Variants in FRMD6 observed in about 807,000 individuals in gnomAD.
FRMD6 encodes FERM domain-containing protein 6.
A neutral mutation model predicts 73.2 loss-of-function variants in FRMD6; 37 were observed. That is an observed-to-expected ratio of 0.51 (90% CI 0.39 to 0.66). FRMD6 has a LOEUF of 0.66. Ranked by LOEUF, FRMD6 falls within the 30% of genes least tolerant of loss-of-function variation. The probability of loss-of-function intolerance (pLI) is 0.00; values close to 1 mark genes in which losing one functional copy is unlikely to be tolerated. For missense variants in FRMD6, 714 were observed against 780.5 expected (o/e 0.91, Z 1.02); for synonymous variants, 273 against 282.2 (o/e 0.97, Z 0.33).
intron 1 of FRMD6, among the ~76,000 whole-genome samples, chr14:51,525,892 C>CT (rs1334442355): frequency 6.6e-6 from 1 of 152,094 alleles, no homozygotes; most frequent in Non-Finnish European, 1.5e-5. Flanking sequence ...GTTGACAGTC[C>CT]TTTGAAGAAG....
the FRMD6 span, among the ~76,000 whole-genome samples, chr14:51,411,500 T>C: frequency 6.6e-6 from 1 of 152,210 alleles, no homozygotes; most frequent in South Asian, 2.1e-4. Context: ...GTCTCTCCCT[T>C]GGGGAACCTC....
chr14:51,689,744 TGAG>T lies in FRMD6; in HGVS notation c.-88_-86del. ...GATGCTTCTCCTGCAGGGCGTGTGA[TGAG>T]GAGGCGAGCTTGGCTTTGGAGTGCT... On this transcript the variant is annotated 5_prime_UTR_variant, in exon 2 of 14. Coordinates refer to ENST00000344768, the MANE Select transcript of FRMD6 (RefSeq NM_001267046.2). The T allele has an allele frequency of 5.1e-6, 4 of 776,764 alleles. No individual in the cohort carries two copies. The highest frequency in any genetic ancestry group is 9.4e-6 in the Non-Finnish European group (4 of 423,876). The allele number at this position is 776,764 out of a possible 1,614,324, so 48.1% of individuals were successfully genotyped here. A position where few individuals can be genotyped will look rare whatever the true frequency, so the allele number is the denominator to read the frequency against.
chr14:51,597,178 C>G (rs1011182316), intron 2 of FRMD6, among the ~76,000 whole-genome samples: 20 of 152,096 alleles, frequency 1.3e-4, no homozygotes. Context: ...GATATGGGAG[C>G]TGGGAGATCA....
intron 9 of FRMD6, chr14:51,713,840 CA>C (rs1175913263): frequency 5.3e-5 from 8 of 152,148 alleles, no homozygotes; most frequent in African/African-American, 1.9e-4. Flanking sequence ...TGAAAATGAG[CA>C]AATTATGACG....
chr14:51,536,091 T>G (rs373258862), intron 1 of FRMD6, among the ~76,000 whole-genome samples: 19,175 of 138,800 alleles, frequency 0.14, 1,467 homozygotes, highest in East Asian at 0.26. Context: ...TATATATATA[T>G]ATATATAGAG....
chr14:51,463,649 C>T, the FRMD6 span, among the ~76,000 whole-genome samples: 1 of 152,220 alleles, frequency 6.6e-6, no homozygotes, highest in African/African-American at 2.4e-5. Flanking sequence ...AAACAGGTTC[C>T]AGTGAGCACG....
At chr14:51,428,223 C>T in the FRMD6 span, among the ~76,000 whole-genome samples, 2 of 152,146 alleles carry the variant, frequency 1.3e-5, no homozygotes, top group African/African-American at 4.8e-5. Flanking sequence ...CCTGACTATG[C>T]ATTAGAATCA....
At chr14:51,418,834 C>A in the FRMD6 span, among the ~76,000 whole-genome samples, 1 of 152,244 alleles carries the variant, frequency 6.6e-6, no homozygotes, top group Non-Finnish European at 1.5e-5. Flanking sequence ...GGGGTCCACC[C>A]AGTTTGAGCT....
chr14:51,539,624 A>G (rs1048075377), intron 1 of FRMD6, among the ~76,000 whole-genome samples: 1 of 152,116 alleles, frequency 6.6e-6, no homozygotes, highest in African/African-American at 2.4e-5. Flanking sequence ...CTGGGCAATT[A>G]CATTCCAGAA....
chr14:51,721,605 AAAAG>A (rs1897571483), intron 11 of FRMD6, among the ~76,000 whole-genome samples: 1 of 146,078 alleles, frequency 6.8e-6, no homozygotes, highest in Non-Finnish European at 1.5e-5. Flanking sequence ...CTTCGTCTCA[AAAAG>A]AAAGAAATTG....
intron 2 of FRMD6, chr14:51,697,858 CTCATTTA>C (rs1456997064): frequency 1.3e-5 from 3 of 229,938 alleles, no homozygotes; most frequent in African/African-American, 6.8e-5. Flanking sequence ...CTTTCTGAAA[CTCATTTA>C]TCATTTATCA....
intron 2 of FRMD6, among the ~76,000 whole-genome samples, chr14:51,634,697 C>T (rs915281208): frequency 3.3e-5 from 5 of 152,082 alleles, no homozygotes; most frequent in African/African-American, 1.2e-4. Context: ...AGAAAATTCC[C>T]TCTCACAAAT....
intron 12 of FRMD6, among the ~76,000 whole-genome samples, chr14:51,722,919 C>T (rs1400969575): frequency 6.6e-6 from 1 of 152,216 alleles, no homozygotes; most frequent in Admixed American, 6.5e-5. Context: ...CCTCCAGGTG[C>T]CAGGCACTGG....
chr14:51,564,109 C>T (rs1348857540), intron 1 of FRMD6, among the ~76,000 whole-genome samples: 1 of 152,174 alleles, frequency 6.6e-6, no homozygotes, highest in East Asian at 1.9e-4. Flanking sequence ...ACTTCACACC[C>T]CCACAGATTG....
intron 2 of FRMD6, among the ~76,000 whole-genome samples, chr14:51,636,559 T>G (rs528299408): frequency 6.6e-6 from 1 of 152,322 alleles, no homozygotes; most frequent in African/African-American, 2.4e-5. Context: ...CTCCCTAGCC[T>G]CCTCCTGTTT....
intron 1 of FRMD6, among the ~76,000 whole-genome samples, chr14:51,672,621 GAAAT>G (rs1458017777): frequency 1.3e-5 from 2 of 152,102 alleles, no homozygotes; most frequent in Non-Finnish European, 2.9e-5. Context: ...CTTATGGTGA[GAAAT>G]AAAGCTTATA....
intron 10 of FRMD6, 63 bp downstream of exon 10, chr14:51,715,562 G>A (rs1472943174): frequency 2.9e-6 from 4 of 1,376,362 alleles, no homozygotes; most frequent in Non-Finnish European, 3.9e-6. Context: ...CTCTTACTCT[G>A]AATGGGGGTT....
chr14:51,573,540 G>C (rs1057471921), intron 2 of FRMD6, among the ~76,000 whole-genome samples: 1 of 152,140 alleles, frequency 6.6e-6, no homozygotes, highest in Non-Finnish European at 1.5e-5. Flanking sequence ...ATATTGTGAG[G>C]AGCCAGATCC....
chr14:51,397,907 G>GTA, the FRMD6 span, among the ~76,000 whole-genome samples: 67 of 152,122 alleles, frequency 4.4e-4, no homozygotes, highest in African/African-American at 1.6e-3. Flanking sequence ...ATATCTCAAG[G>GTA]TATATAGTCA....
Sources: allele counts gnomAD v4.1 joint callset (sites outside exome capture counted in the v4.1 genomes callset), GRCh38; gene constraint gnomAD v4.1.1; transcripts MANE v1.5; gene names NCBI Gene and HGNC (gene_info 2026-07-23, HGNC 2026-07-21).